Variants in ADAMTSL1 observed in about 807,000 individuals in gnomAD.
ADAMTSL1 encodes ADAMTS-like protein 1.
In ADAMTSL1, 126 loss-of-function variants were observed where a neutral mutation model predicts 201.8. That is an observed-to-expected ratio of 0.62 (90% confidence interval 0.54 to 0.72). The LOEUF is 0.72. ADAMTSL1 is among the 30% of genes least tolerant of loss of function. The pLI, the probability that ADAMTSL1 is intolerant of heterozygous loss-of-function variation, is 0.00. For missense variants in ADAMTSL1, 2,679 were observed against 2,277.8 expected (o/e 1.18, Z -3.59); for synonymous variants, 1,121 against 903.4 (o/e 1.24, Z -4.32).
chr9:18,247,632 T>C (rs1831313327), intron 2 of ADAMTSL1, among the ~76,000 whole-genome samples: 2 of 152,176 alleles, frequency 1.3e-5, no homozygotes, highest in South Asian at 2.1e-4. Flanking sequence ...GGTCTTAATC[T>C]GGTGGTCCGA....
chr9:18,610,458 A>G (rs1421996945), intron 4 of ADAMTSL1, among the ~76,000 whole-genome samples: 1 of 152,102 alleles, frequency 6.6e-6, no homozygotes, highest in Non-Finnish European at 1.5e-5. Context: ...CTTTTGATCA[A>G]TTCTCTCCAG....
chr9:18,673,931 A>G (rs1212576396), intron 9 of ADAMTSL1, among the ~76,000 whole-genome samples: 1 of 151,394 alleles, frequency 6.6e-6, no homozygotes, highest in Non-Finnish European at 1.5e-5. Context: ...GTCCTTTTAG[A>G]AAAAAAAATT....
At chr9:17,914,300 G>A (rs1275293650) in intron 1 of ADAMTSL1, among the ~76,000 whole-genome samples, 1 of 152,054 alleles carries the variant, frequency 6.6e-6, no homozygotes, top group Non-Finnish European at 1.5e-5. Context: ...GAATCCAGCA[G>A]CACATCAAAA....
intron 2 of ADAMTSL1, among the ~76,000 whole-genome samples, chr9:18,374,635 G>A (rs1837203891): frequency 6.6e-6 from 1 of 152,116 alleles, no homozygotes; most frequent in South Asian, 2.1e-4. Context: ...CGCTTGGCCT[G>A]ACAGATTTTT....
chr9:18,836,995 C>T (rs1429705040), intron 23 of ADAMTSL1, among the ~76,000 whole-genome samples: 1 of 152,104 alleles, frequency 6.6e-6, no homozygotes, highest in Non-Finnish European at 1.5e-5. Flanking sequence ...TTATCAATTC[C>T]AGGAGCCTTT....
chr9:18,486,354 C>T (rs746446052), intron 1 of ADAMTSL1, among the ~76,000 whole-genome samples: 38 of 152,340 alleles, frequency 2.5e-4, no homozygotes, highest in South Asian at 1.0e-3. Context: ...ACTGTTGTGA[C>T]TTAACCCTTT....
At chr9:18,629,944 G>A (rs966024530) in intron 5 of ADAMTSL1, among the ~76,000 whole-genome samples, 1 of 151,774 alleles carries the variant, frequency 6.6e-6, no homozygotes, top group Non-Finnish European at 1.5e-5. Context: ...TCCATTCTGT[G>A]TTTGGATTGA....
At chr9:18,295,846 C>G (rs1178247587) in intron 2 of ADAMTSL1, among the ~76,000 whole-genome samples, 1 of 152,146 alleles carries the variant, frequency 6.6e-6, no homozygotes, top group Non-Finnish European at 1.5e-5. Flanking sequence ...TCAAAAAAGA[C>G]ATACATTTGG....
intron 2 of ADAMTSL1, among the ~76,000 whole-genome samples, chr9:18,514,521 G>A (rs939715009): frequency 9.9e-5 from 15 of 151,582 alleles, no homozygotes; most frequent in African/African-American, 3.6e-4. Context: ...TAGTAGAGAC[G>A]GGGTTTCACC....
chr9:17,980,124 A>G (rs973923692), intron 1 of ADAMTSL1, among the ~76,000 whole-genome samples: 11 of 152,158 alleles, frequency 7.2e-5, no homozygotes, highest in African/African-American at 2.4e-4. Context: ...TGACATGGGT[A>G]GTGTGAAACT....
chr9:18,592,790 G>C (rs1415764871), intron 4 of ADAMTSL1, among the ~76,000 whole-genome samples: 1 of 152,114 alleles, frequency 6.6e-6, no homozygotes, highest in Non-Finnish European at 1.5e-5. Flanking sequence ...AGATTGCAAT[G>C]AATCTGTAGA....
At position 18,906,675 on chromosome 9, in the gene ADAMTSL1, C is replaced by A; in HGVS notation, c.4962-17C>A. Reference sequence around the variant, plus strand: ...CCCACAGAAGCAAACCTTAACCCTGCCACCATCCTCCTGCAGGCCTGTGAG... The same window carrying A: ...CCCACAGAAGCAAACCTTAACCCTGACACCATCCTCCTGCAGGCCTGTGAG... On this transcript the variant is annotated splice_polypyrimidine_tract_variant and intron_variant, in intron 27 of 28. Transcript: ENST00000380548. 6.5e-7 allele frequency: 1 copy of A among 1,550,122 alleles called. No individual in the cohort carries two copies. The highest frequency in any genetic ancestry group is 8.7e-7 in the Non-Finnish European group (1 of 1,145,996).
At chr9:18,839,006 T>C (rs1825524000) in intron 23 of ADAMTSL1, among the ~76,000 whole-genome samples, 1 of 147,604 alleles carries the variant, frequency 6.8e-6, no homozygotes, top group African/African-American at 2.5e-5. Flanking sequence ...ACCCCCTCTT[T>C]TTAGCAGCAC....
intron 1 of ADAMTSL1, among the ~76,000 whole-genome samples, chr9:18,073,215 C>A (rs1823042923): frequency 6.6e-6 from 1 of 152,060 alleles, no homozygotes; most frequent in Non-Finnish European, 1.5e-5. Context: ...TCAGAGTAAC[C>A]CCCAAAGTGC....
At chr9:18,158,279 C>T (rs1827240757) in intron 1 of ADAMTSL1, among the ~76,000 whole-genome samples, 2 of 151,892 alleles carry the variant, frequency 1.3e-5, no homozygotes, top group African/African-American at 4.8e-5. Flanking sequence ...TTATAAACCT[C>T]CAGAGTATTC....
rs1822850193 is a variant in ADAMTSL1, at chr9:18,501,586, T to A, written c.64-3243T>A. On this transcript the variant is annotated intron_variant, in intron 1 of 28. Transcript: ENST00000380548. ...GGCCAGACACAAAATTTGTTTATAG[T>A]GAAGAAAGTCTTAAAAACTGCAATA... Among the ~76,000 whole-genome samples the A allele has an allele frequency of 3.3e-5, 5 of 151,428 alleles. No individual in the cohort carries two copies. In the South Asian group the frequency reaches 8.3e-4, roughly 25 times the overall value.
chr9:18,048,888 T>G lies in ADAMTSL1; in HGVS notation c.88-114974T>G, dbSNP rs567487920. On this transcript the variant is annotated intron_variant, in intron 1 of 29. Coordinates refer to the ADAMTSL1 transcript ENST00000680146. ...ACTGGGTGGTTTAAAACAACAGAAATGTACTTTTTGACAGTTCAGGGGGCC... is the reference window on the plus strand; with the variant it reads ...ACTGGGTGGTTTAAAACAACAGAAAGGTACTTTTTGACAGTTCAGGGGGCC... 3.9e-5 allele frequency among the ~76,000 whole-genome samples: 6 copies of G among 152,228 alleles called. No homozygotes were observed. In the South Asian group the frequency reaches 1.0e-3, roughly 26 times the overall value.
intron 1 of ADAMTSL1, among the ~76,000 whole-genome samples, chr9:17,971,067 C>T (rs376697978): frequency 1.4e-4 from 22 of 152,166 alleles, no homozygotes; most frequent in Non-Finnish European, 2.1e-4. Flanking sequence ...ATATAAATAA[C>T]TAATTTTGTT....
At chr9:18,161,197 T>C (rs1411907571) in intron 1 of ADAMTSL1, among the ~76,000 whole-genome samples, 1 of 152,074 alleles carries the variant, frequency 6.6e-6, no homozygotes, top group African/African-American at 2.4e-5. Context: ...GTTGGCTGTT[T>C]ATTCTTCATT....
Sources: allele counts gnomAD v4.1 joint callset (sites outside exome capture counted in the v4.1 genomes callset), GRCh38; gene constraint gnomAD v4.1.1; transcripts MANE v1.5; gene names NCBI Gene and HGNC (gene_info 2026-07-23, HGNC 2026-07-21).